Variants in APOLD1 observed in about 807,000 individuals in gnomAD.
The protein encoded by APOLD1 is apolipoprotein L domain-containing protein 1.
Under a neutral mutation model 15.3 loss-of-function variants are expected in APOLD1, and 22 were observed. The ratio of observed to expected loss-of-function variants is 1.44; its 90% CI spans 1.03 to 2.05. The LOEUF is 2.05. Ranked by LOEUF, APOLD1 falls within the 30% of genes most tolerant of loss-of-function variation. The probability of loss-of-function intolerance (pLI) is 0.00; values close to 1 mark genes in which losing one functional copy is unlikely to be tolerated. For synonymous variants in APOLD1, 190 were observed against 167.4 expected (o/e 1.13, Z -1.04); for missense variants, 394 against 353.5 (o/e 1.11, Z -0.92).
At chr12:12,759,992 A>T (rs1946884576) in intron 1 of APOLD1, among the ~76,000 whole-genome samples, 2 of 152,224 alleles carry the variant, frequency 1.3e-5, no homozygotes. Flanking sequence ...GGAACTATAC[A>T]ACACCATGAA....
chr12:12,761,828 TATAG>T (rs1405744796), intron 1 of APOLD1, among the ~76,000 whole-genome samples: 4 of 20,694 alleles, frequency 1.9e-4, no homozygotes, highest in South Asian at 2.0e-3. Context: ...TATGTATATG[TATAG>T]AGAGAGAGAG....
intron 1 of APOLD1, among the ~76,000 whole-genome samples, chr12:12,729,472 C>T (rs997956477): frequency 1.3e-5 from 2 of 152,072 alleles, no homozygotes; most frequent in Non-Finnish European, 2.9e-5. Context: ...GTTGCCTAGG[C>T]TGGTCTTGAA....
chr12:12,771,761 A>G, intron 1 of APOLD1: 1 of 292,076 alleles, frequency 3.4e-6, no homozygotes, highest in Non-Finnish European at 6.7e-6. Context: ...TCTAGATTAT[A>G]TATTGCATAT....
intron 1 of APOLD1, among the ~76,000 whole-genome samples, chr12:12,777,188 T>C (rs1283148326): frequency 6.6e-6 from 1 of 152,152 alleles, no homozygotes; most frequent in Admixed American, 6.6e-5. Flanking sequence ...TCTTTTACCA[T>C]CTCCCACTTG....
intron 1 of APOLD1, among the ~76,000 whole-genome samples, chr12:12,772,284 G>T (rs906480426): frequency 6.6e-6 from 1 of 152,130 alleles, no homozygotes; most frequent in Admixed American, 6.6e-5. Flanking sequence ...ATATAAACGG[G>T]TAGAGAAAGA....
chr12:12,776,021 A>AAC (rs1270943140), intron 1 of APOLD1, among the ~76,000 whole-genome samples: 2 of 150,368 alleles, frequency 1.3e-5, no homozygotes, highest in Non-Finnish European at 3.0e-5. Context: ...AAAAAAAAAA[A>AAC]AAAAACACAA....
intron 1 of APOLD1, among the ~76,000 whole-genome samples, chr12:12,778,171 C>T (rs1171826667): frequency 6.6e-6 from 1 of 151,902 alleles, no homozygotes; most frequent in Non-Finnish European, 1.5e-5. Context: ...CTCAAGCAGT[C>T]CGCCAGCCTT....
At chr12:12,779,809 AAAG>A (rs1947065369) in intron 1 of APOLD1, among the ~76,000 whole-genome samples, 1 of 152,224 alleles carries the variant, frequency 6.6e-6, no homozygotes, top group Non-Finnish European at 1.5e-5. Flanking sequence ...TAAGTAGAAA[AAAG>A]AACACAGGCT....
At chr12:12,739,086 A>G (rs1946711674) in intron 1 of APOLD1, among the ~76,000 whole-genome samples, 1 of 152,110 alleles carries the variant, frequency 6.6e-6, no homozygotes, top group African/African-American at 2.4e-5. Flanking sequence ...AGATTTGGGG[A>G]GGGGGGTGTT....
intron 1 of APOLD1, among the ~76,000 whole-genome samples, chr12:12,749,443 C>T (rs996601004): frequency 6.6e-6 from 1 of 152,146 alleles, no homozygotes; most frequent in Non-Finnish European, 1.5e-5. Context: ...TGCAAACCCC[C>T]ACCTTTTCTG....
At chr12:12,748,501 CATA>C (rs1946782562) in intron 1 of APOLD1, among the ~76,000 whole-genome samples, 1 of 152,184 alleles carries the variant, frequency 6.6e-6, no homozygotes, top group Non-Finnish European at 1.5e-5. Flanking sequence ...AAAACCGATA[CATA>C]ATGCTTGTGG....
intron 1 of APOLD1, among the ~76,000 whole-genome samples, chr12:12,779,559 T>A (rs1477819022): frequency 6.6e-6 from 1 of 152,154 alleles, no homozygotes; most frequent in African/African-American, 2.4e-5. Context: ...AGATGGTCAT[T>A]CTCCTTGACT....
At chr12:12,751,951 A>G (rs1946815134) in intron 1 of APOLD1, among the ~76,000 whole-genome samples, 1 of 152,210 alleles carries the variant, frequency 6.6e-6, no homozygotes, top group Non-Finnish European at 1.5e-5. Flanking sequence ...AAGTCAAGGA[A>G]TACAGTCCAG....
chr12:12,751,356 C>CT (rs1283459180), intron 1 of APOLD1, among the ~76,000 whole-genome samples: 1 of 151,888 alleles, frequency 6.6e-6, no homozygotes, highest in African/African-American at 2.4e-5. Flanking sequence ...GGAAATGATT[C>CT]TTTTTTGTTT....
At chr12:12,782,011 C>A (rs900967425), upstream of APOLD1, among the ~76,000 whole-genome samples, 1 of 151,556 alleles carries the variant, frequency 6.6e-6, no homozygotes, top group Non-Finnish European at 1.5e-5. Context: ...GTAATCCTAG[C>A]ACTTTGGGAG....
chr12:12,781,748 C>G (rs992119256), upstream of APOLD1, among the ~76,000 whole-genome samples: 1 of 151,036 alleles, frequency 6.6e-6, no homozygotes, highest in Non-Finnish European at 1.5e-5. Flanking sequence ...AGAATGGTCT[C>G]GACCTCCTGA....
rs1947127790 is a variant in APOLD1 at position 12,786,761 on chromosome 12, G to A, written c.4-148G>A. ...ACAGGTCTTTGAGAACTCGTCTCATGATCCACTGGAAACAGACCCGTTCCC... is the reference window on the plus strand; with the variant it reads ...ACAGGTCTTTGAGAACTCGTCTCATAATCCACTGGAAACAGACCCGTTCCC... On this transcript the variant is annotated intron_variant, in intron 1 of 1. Coordinates refer to ENST00000356591, the MANE Select transcript of APOLD1 (RefSeq NM_030817.3). 2.7e-5 allele frequency: 34 copies of A among 1,279,920 alleles called. No individual in the cohort carries two copies. The South Asian group carries it at 7.1e-4, about 27-fold the overall frequency. 79.3% of individuals were successfully genotyped at this position (1,279,920 alleles called of 1,614,324 possible).
intron 1 of APOLD1, among the ~76,000 whole-genome samples, chr12:12,735,221 T>G (rs1250471011): frequency 1.3e-5 from 2 of 151,806 alleles, no homozygotes; most frequent in African/African-American, 2.4e-5. Flanking sequence ...CAAGACCCCA[T>G]CTCTAAAACA....
chr12:12,788,219 G>A lies in APOLD1; in HGVS notation c.*567G>A, dbSNP rs1947149874. The A allele has an allele frequency of 6.6e-6, 1 of 152,518 alleles. No homozygotes were observed. The highest frequency in any genetic ancestry group is 1.9e-4 in the East Asian group (1 of 5,198). 9.4% of individuals were successfully genotyped at this position (152,518 alleles called of 1,614,324 possible). A position where few individuals can be genotyped will look rare whatever the true frequency, so the allele number is the denominator to read the frequency against. Reference sequence around the variant, plus strand: ...TCTCCTCCTCTTCCCTTTCCCCTCAGCTTACTTACTCCCAGATGCGGCCTG... The same window carrying A: ...TCTCCTCCTCTTCCCTTTCCCCTCAACTTACTTACTCCCAGATGCGGCCTG... On this transcript the variant is annotated 3_prime_UTR_variant, in exon 2 of 2. Transcript: ENST00000356591.
Sources: allele counts gnomAD v4.1 joint callset (sites outside exome capture counted in the v4.1 genomes callset), GRCh38; gene constraint gnomAD v4.1.1; transcripts MANE v1.5; gene names NCBI Gene and HGNC (gene_info 2026-07-23, HGNC 2026-07-21).